Variants in HMCN1 observed in about 807,000 individuals in gnomAD.
The protein encoded by HMCN1 is hemicentin 1.
A neutral mutation model predicts 625.9 loss-of-function variants in HMCN1; 321 were observed. That is an observed-to-expected ratio of 0.51 (90% confidence interval 0.47 to 0.56). HMCN1 has a LOEUF of 0.56. Ranked by LOEUF, HMCN1 falls within the 20% of genes least tolerant of loss-of-function variation. The pLI is 0.00. For synonymous variants in HMCN1, 2,425 were observed against 2,417.6 expected (o/e 1.00, Z -0.09); for missense variants, 6,588 against 6,887.3 (o/e 0.96, Z 1.54).
chr1:186,062,953 A>G (rs1044145094), intron 48 of HMCN1, among the ~76,000 whole-genome samples: 1 of 150,440 alleles, frequency 6.6e-6, no homozygotes, highest in Non-Finnish European at 1.5e-5. Context: ...ATTTCACTTA[A>G]GATAAAGGCC....
intron 29 of HMCN1, among the ~76,000 whole-genome samples, chr1:186,005,014 T>C (rs1353775772): frequency 2.7e-5 from 4 of 150,848 alleles, no homozygotes; most frequent in Non-Finnish European, 5.9e-5. Flanking sequence ...CCTGACACCA[T>C]TGATATATTA....
intron 83 of HMCN1, 41 bp downstream of exon 83, chr1:186,128,332 T>C (rs201495289): frequency 2.4e-5 from 36 of 1,480,054 alleles, no homozygotes; most frequent in Non-Finnish European, 3.2e-5. Context: ...AATACACCTA[T>C]GTAGAACTCT....
At chr1:186,042,501 G>A (rs1183321279) in intron 40 of HMCN1, among the ~76,000 whole-genome samples, 2 of 152,098 alleles carry the variant, frequency 1.3e-5, no homozygotes, top group African/African-American at 4.8e-5. Flanking sequence ...CCTGGGAGAT[G>A]ATAAAAGAGT....
chr1:185,840,818 T>G (rs1661430091), intron 1 of HMCN1, among the ~76,000 whole-genome samples: 1 of 152,204 alleles, frequency 6.6e-6, no homozygotes, highest in Admixed American at 6.5e-5. Flanking sequence ...ATATATTTAT[T>G]CATGTATAAC....
At chr1:185,903,080 C>G (rs968831419) in intron 4 of HMCN1, among the ~76,000 whole-genome samples, 17 of 151,682 alleles carry the variant, frequency 1.1e-4, no homozygotes. Flanking sequence ...TTCTGGCAAG[C>G]TAAATTTTCT....
At chr1:185,750,696 A>G (rs1251450154) in intron 1 of HMCN1, among the ~76,000 whole-genome samples, 2 of 152,110 alleles carry the variant, frequency 1.3e-5, no homozygotes, top group Non-Finnish European at 2.9e-5. Flanking sequence ...TTTTATAGTC[A>G]AATTTAATCC....
At chr1:186,054,774 G>A (rs572632722) in intron 44 of HMCN1, among the ~76,000 whole-genome samples, 87 of 152,092 alleles carry the variant, frequency 5.7e-4, no homozygotes, top group African/African-American at 2.1e-3. Flanking sequence ...CTCCTTCATG[G>A]TCTCAAGATG....
chr1:185,984,817 T>G (rs1651901083), intron 19 of HMCN1, among the ~76,000 whole-genome samples: 1 of 152,172 alleles, frequency 6.6e-6, no homozygotes, highest in African/African-American at 2.4e-5. Context: ...AGAAGCAATC[T>G]TTTTTCCATT....
chr1:186,157,019 C>T (rs1234330214), intron 97 of HMCN1, among the ~76,000 whole-genome samples: 1 of 152,148 alleles, frequency 6.6e-6, no homozygotes, highest in Non-Finnish European at 1.5e-5. Flanking sequence ...AACACAGATA[C>T]CCAGGTCTCT....
chr1:186,003,220 C>T (rs1323610646), intron 28 of HMCN1, among the ~76,000 whole-genome samples: 1 of 152,058 alleles, frequency 6.6e-6, no homozygotes. Context: ...GCTTGATAAT[C>T]CTGAGAATAA....
At chr1:185,865,482 A>G (rs963687882) in intron 3 of HMCN1, among the ~76,000 whole-genome samples, 1 of 152,010 alleles carries the variant, frequency 6.6e-6, no homozygotes, top group African/African-American at 2.4e-5. Flanking sequence ...TCTCACTTCT[A>G]CTTCTACAGC....
intron 55 of HMCN1, among the ~76,000 whole-genome samples, chr1:186,080,343 T>TG (rs1353244138): frequency 7.2e-5 from 11 of 151,990 alleles, no homozygotes; most frequent in Non-Finnish European, 4.4e-5. Flanking sequence ...ATTTTTAAAG[T>TG]GGGGGGGAAA....
intron 77 of HMCN1, 110 bp downstream of exon 77, chr1:186,117,733 C>A: frequency 9.4e-7 from 1 of 1,067,188 alleles, no homozygotes; most frequent in Non-Finnish European, 1.4e-6. Context: ...TGCATGCATT[C>A]TTGAACTTAA....
Position 186,178,547 on chromosome 1 carries a change from A to G in HMCN1, c.16075A>G (p.Arg5359Gly), listed in dbSNP as rs1340756369. Residue 5359 changes from arginine to glycine, a missense_variant, in exon 104 of 107, where the codon AGG (arginine) becomes GGG (glycine). Transcript: ENST00000271588. ...CGGGAAATCTTGCGCTGGATTGGAG[A>G]GGCTGCCAAATTATGGCACTCAATA... ...GDGKSCAGLERLPNYGTQYSS... is the reference protein window; with the variant it reads ...GDGKSCAGLEGLPNYGTQYSS... The G allele has an allele frequency of 1.2e-6, 2 of 1,613,982 alleles. No homozygotes were observed. The highest frequency in any genetic ancestry group is 1.7e-5 in the Admixed American group (1 of 59,982).
intron 20 of HMCN1, 86 bp from the exon 21 acceptor site, chr1:185,989,402 T>A (rs1219793215): frequency 6.7e-7 from 1 of 1,495,492 alleles, no homozygotes; most frequent in African/African-American, 1.4e-5. Context: ...TTTCTCTCTA[T>A]TCCTCTTCCA....
At chr1:185,768,169 A>G (rs1157247414) in intron 1 of HMCN1, among the ~76,000 whole-genome samples, 1 of 152,194 alleles carries the variant, frequency 6.6e-6, no homozygotes, top group Non-Finnish European at 1.5e-5. Context: ...ATATTGAGAA[A>G]GAAGCCCACT....
intron 1 of HMCN1, among the ~76,000 whole-genome samples, chr1:185,771,578 C>T (rs1401268332): frequency 6.6e-6 from 1 of 152,164 alleles, no homozygotes; most frequent in East Asian, 1.9e-4. Context: ...CATTTATTAA[C>T]ATTTCCTAAG....
chr1:185,857,351 AT>A, intron 2 of HMCN1, among the ~76,000 whole-genome samples: 1 of 152,302 alleles, frequency 6.6e-6, no homozygotes, highest in South Asian at 2.1e-4. Context: ...AATTATCTAT[AT>A]TTCAGGGTTC....
intron 4 of HMCN1, among the ~76,000 whole-genome samples, chr1:185,870,449 G>A (rs1199550827): frequency 2.6e-5 from 4 of 151,824 alleles, no homozygotes; most frequent in Non-Finnish European, 2.9e-5. Context: ...TCCCACCTCC[G>A]CCAACTCATA....
Sources: gnomAD v4.1 joint callset for allele counts (sites outside exome capture counted in the v4.1 genomes callset) on GRCh38, gnomAD v4.1.1 for gene constraint, MANE v1.5 for transcripts, NCBI Gene and HGNC (gene_info 2026-07-23, HGNC 2026-07-21) for gene names.